The following POLN variants were observed in gnomAD, a reference collection of about 807,000 sequenced individuals.
POLN encodes DNA polymerase nu.
In POLN, 108 loss-of-function variants were observed where a neutral mutation model predicts 113.5. The observed-to-expected ratio is 0.95, with a 90% CI of 0.81 to 1.12. The LOEUF is 1.12. Ranked by LOEUF, POLN falls within the 50% of genes most tolerant of loss-of-function variation. The pLI is 0.00. For missense variants in POLN, 1,097 were observed against 1,077.1 expected (o/e 1.02, Z -0.26); for synonymous variants, 386 against 391.5 (o/e 0.99, Z 0.17).
intron 22 of POLN, chr4:2,081,395 C>T: frequency 1.6e-6 from 1 of 623,482 alleles, no homozygotes; most frequent in East Asian, 2.9e-5. Flanking sequence ...AACAGTACTG[C>T]CTGGGCCCAG....
chr4:2,215,783 T>C (rs1211968025), intron 3 of POLN, among the ~76,000 whole-genome samples: 2 of 152,166 alleles, frequency 1.3e-5, no homozygotes, highest in African/African-American at 4.8e-5. Flanking sequence ...GCCTTTTCCT[T>C]GGGAAATTTA....
chr4:2,183,750 GCA>G (rs1176804855), intron 7 of POLN, among the ~76,000 whole-genome samples: 1 of 152,094 alleles, frequency 6.6e-6, no homozygotes, highest in Non-Finnish European at 1.5e-5. Flanking sequence ...GGTGATAGAT[GCA>G]CAATTCTGTG....
At chr4:2,242,021 G>A (rs1342955113) in intron 1 of POLN, 30 bp downstream of exon 1, 1 of 985,490 alleles carries the variant, frequency 1.0e-6, no homozygotes, top group Non-Finnish European at 1.2e-6. Flanking sequence ...CCACACCCCT[G>A]CGCCCAGAAC....
At chr4:2,082,192 G>A (rs1730437947) in intron 21 of POLN, among the ~76,000 whole-genome samples, 1 of 152,054 alleles carries the variant, frequency 6.6e-6, no homozygotes, top group Non-Finnish European at 1.5e-5. Context: ...CTGACCTCAG[G>A]TGATCCACCC....
intron 8 of POLN, among the ~76,000 whole-genome samples, chr4:2,177,789 C>G (rs1733031494): frequency 2.6e-5 from 4 of 152,214 alleles, no homozygotes; most frequent in South Asian, 4.1e-4. Flanking sequence ...AATCAAGATG[C>G]CTGGCCTCCC....
Position 2,072,166 on chromosome 4 carries a change from G to A in POLN, c.2651C>T (p.Pro884Leu), listed in dbSNP as rs1228151663. 6.2e-7 allele frequency: 1 copy of A among 1,612,024 alleles called. No homozygotes were observed. Among genetic ancestry groups the A allele is most frequent in the Non-Finnish European group, 8.5e-7 (1 of 1,179,186 alleles). ...PSNSLAAPGSPASTQPPPLHF... is the reference protein window; with the variant it reads ...PSNSLAAPGSLASTQPPPLHF... ...CAGGGGTGGGGGCTGGGTGCTGGCAGGGGACCCAGGGGCAGCCAGGCTGTT... is the reference window on the plus strand; with the variant it reads ...CAGGGGTGGGGGCTGGGTGCTGGCAAGGGACCCAGGGGCAGCCAGGCTGTT... Residue 884 changes from proline (P) to leucine (L), a missense_variant, in exon 26 of 26, where the codon CCT becomes CTT. By Grantham distance (98) the Pro-to-Leu change is moderately conservative (BLOSUM62 -3). Coordinates refer to ENST00000511885, the MANE Select transcript of POLN (RefSeq NM_181808.4).
chr4:2,171,001 A>T, intron 12 of POLN, 97 bp downstream of exon 12: 1 of 1,137,934 alleles, frequency 8.8e-7, no homozygotes, highest in Non-Finnish European at 1.3e-6. Context: ...CTTTTCAGAT[A>T]GTTGACATAA....
At chr4:2,167,132 C>A (rs147582373) in intron 13 of POLN, among the ~76,000 whole-genome samples, 1 of 152,168 alleles carries the variant, frequency 6.6e-6, no homozygotes, top group Admixed American at 6.5e-5. Context: ...GTCCTGCTCA[C>A]GGCTGTATCC....
At chr4:2,186,349 T>G (rs776288490) in intron 7 of POLN, among the ~76,000 whole-genome samples, 5 of 152,112 alleles carry the variant, frequency 3.3e-5, no homozygotes, top group Non-Finnish European at 7.4e-5. Context: ...CTCTGTACCA[T>G]AGACAGAGGA....
chr4:2,229,336 AC>A (rs1158886788), intron 2 of POLN, 93 bp from the exon 3 acceptor site: 4 of 989,252 alleles, frequency 4.0e-6, no homozygotes, highest in Non-Finnish European at 5.7e-6. Context: ...TTATATACCA[AC>A]TTTCATTTAA....
chr4:2,171,160 G>C lies in POLN; in HGVS notation c.1396C>G (p.Gln466Glu), dbSNP rs1577738912. 2 of 1,613,518 alleles carry C rather than the reference G, an allele frequency of 1.2e-6. No homozygotes were observed. The highest frequency in any genetic ancestry group is 4.5e-5 in the East Asian group (2 of 44,858). ...LLGARLKELE[Q>E]EAHFVAGERF... ...TCTCCTGCAACAAAATGAGCTTCTT[G>C]CTCCAATTCCTTGAGACGAGCCTGA... The change falls in exon 12 of 26, where the codon CAA becomes GAA. Residue 466 changes from glutamine to glutamate, a missense_variant. By Grantham distance (29) the Gln-to-Glu change is conservative. Coordinates refer to ENST00000511885, the MANE Select transcript of POLN (RefSeq NM_181808.4).
chr4:2,084,420 G>A lies in POLN; in HGVS notation c.2197+1193C>T, dbSNP rs947668947. Among the ~76,000 whole-genome samples, 8 of 152,298 alleles carry A rather than the reference G, an allele frequency of 5.3e-5. No homozygotes were observed. The East Asian group carries it at 1.5e-3, about 29-fold the overall frequency. ...GGCTCTGTTCTTCTCAGACCTGGAC[G>A]CCACCTTCCTGTCCTTGTCTGGATG... On this transcript the variant is annotated intron_variant, in intron 21 of 25. Coordinates refer to ENST00000511885, the MANE Select transcript of POLN (RefSeq NM_181808.4).
In POLN at chr4:2,072,050, C is replaced by A. The variant is rs1730156005; in HGVS notation, c.*64G>T. 30 of 1,572,508 alleles carry A rather than the reference C, an allele frequency of 1.9e-5. No homozygotes were observed. The highest frequency in any genetic ancestry group is 1.7e-4 in the Middle Eastern group (1 of 6,008). On this transcript the variant is annotated 3_prime_UTR_variant, in exon 26 of 26. Coordinates refer to ENST00000511885, the MANE Select transcript of POLN (RefSeq NM_181808.4). ...GTCCTGGGGCGTACAGAGCTGGTGA[C>A]CTTGGGGAAGGCCACACAATGGACT...
chr4:2,157,648 G>A (rs566560352), intron 15 of POLN, among the ~76,000 whole-genome samples: 3 of 149,654 alleles, frequency 2.0e-5, no homozygotes, highest in African/African-American at 4.9e-5. Context: ...GCTTGGAGCC[G>A]GGAGGCAGAG....
intron 4 of POLN, among the ~76,000 whole-genome samples, chr4:2,209,993 T>C (rs934392578): frequency 7.0e-6 from 1 of 143,166 alleles, no homozygotes; most frequent in Non-Finnish European, 1.5e-5. Flanking sequence ...TTTATATATA[T>C]ATATAAATTT....
chr4:2,153,178 G>T (rs1391079206), intron 16 of POLN, among the ~76,000 whole-genome samples: 3 of 152,208 alleles, frequency 2.0e-5, no homozygotes, highest in African/African-American at 2.4e-5. Flanking sequence ...AAAGCAAGAG[G>T]CAGGAAAGGA....
At chr4:2,209,861 C>G (rs1485947660) in intron 4 of POLN, among the ~76,000 whole-genome samples, 1 of 150,840 alleles carries the variant, frequency 6.6e-6, no homozygotes. Flanking sequence ...GGGGTTTCAC[C>G]ATGTTCCCCA....
intron 25 of POLN, 41 bp downstream of exon 25, chr4:2,072,927 C>T: frequency 1.2e-6 from 2 of 1,606,920 alleles, no homozygotes; most frequent in Non-Finnish European, 1.7e-6. Flanking sequence ...TCCCCTCACC[C>T]TGGGCTCCGG....
intron 19 of POLN, among the ~76,000 whole-genome samples, chr4:2,099,219 G>T (rs1467387302): frequency 6.6e-6 from 1 of 152,220 alleles, no homozygotes; most frequent in Non-Finnish European, 1.5e-5. Context: ...TCCTTAATTA[G>T]AGGCTATGCT....
Sources: gnomAD v4.1 joint callset for allele counts (sites outside exome capture counted in the v4.1 genomes callset) on GRCh38, gnomAD v4.1.1 for gene constraint, MANE v1.5 for transcripts, NCBI Gene and HGNC (gene_info 2026-07-23, HGNC 2026-07-21) for gene names.